PTPN2: variants seen among roughly 807,000 people sequenced by gnomAD.
The protein encoded by PTPN2 is tyrosine-protein phosphatase non-receptor type 2.
In PTPN2, 19 loss-of-function variants were observed where a neutral mutation model predicts 57.3. The observed-to-expected ratio is 0.33, with a 90% CI of 0.23 to 0.49. The LOEUF (loss-of-function observed/expected upper bound fraction) is 0.49, where lower values mean the gene tolerates loss of function less well. PTPN2 is among the 20% of genes least tolerant of loss of function. The probability of loss-of-function intolerance (pLI) is 0.99; values close to 1 mark genes in which losing one functional copy is unlikely to be tolerated. For synonymous variants in PTPN2, 153 were observed against 164.9 expected (o/e 0.93, Z 0.55); for missense variants, 358 against 501.1 (o/e 0.71, Z 2.73).
chr18:12,862,128 C>CT (rs35290873), intron 1 of PTPN2: 131,496 of 151,668 alleles, frequency 0.87, 58,335 homozygotes, highest in Non-Finnish European at 0.96. Flanking sequence ...TGCATATTAG[C>CT]GTTTATTCCA....
intron 1 of PTPN2, among the ~76,000 whole-genome samples, chr18:12,867,547 T>A (rs1253088383): frequency 6.6e-6 from 1 of 152,144 alleles, no homozygotes; most frequent in East Asian, 1.9e-4. Flanking sequence ...TCAAAAAAAA[T>A]ACATTATAGA....
At chr18:12,825,047 C>T (rs1288692926) in intron 5 of PTPN2, among the ~76,000 whole-genome samples, 1 of 152,120 alleles carries the variant, frequency 6.6e-6, no homozygotes, top group Non-Finnish European at 1.5e-5. Context: ...GTGATTATGC[C>T]ACTGTACTCC....
At chr18:12,798,608 A>G (rs1433615702) in intron 8 of PTPN2, among the ~76,000 whole-genome samples, 4 of 152,220 alleles carry the variant, frequency 2.6e-5, no homozygotes, top group Non-Finnish European at 5.9e-5. Flanking sequence ...TTATGGATGC[A>G]TAGTATTCCA....
intron 3 of PTPN2, among the ~76,000 whole-genome samples, chr18:12,832,933 C>T (rs1229530432): frequency 6.6e-6 from 1 of 152,180 alleles, no homozygotes; most frequent in Non-Finnish European, 1.5e-5. Flanking sequence ...GGATTACAGG[C>T]GTGCACCACC....
intron 3 of PTPN2, among the ~76,000 whole-genome samples, chr18:12,832,851 G>A (rs559125193): frequency 7.9e-5 from 12 of 152,152 alleles, no homozygotes; most frequent in Non-Finnish European, 1.8e-4. Flanking sequence ...GCAATGGCAC[G>A]ACCTCGGCTC....
intron 7 of PTPN2, among the ~76,000 whole-genome samples, chr18:12,811,484 G>A (rs1342249589): frequency 6.6e-6 from 1 of 152,112 alleles, no homozygotes; most frequent in Non-Finnish European, 1.5e-5. Context: ...TCGGCAGAGA[G>A]AGAAATAAAA....
chr18:12,804,880 A>G (rs2145261770), intron 7 of PTPN2, among the ~76,000 whole-genome samples: 1 of 152,366 alleles, frequency 6.6e-6, no homozygotes, highest in South Asian at 2.1e-4. Flanking sequence ...TAAGGCCAGC[A>G]TTACCCTGAT....
At chr18:12,803,646 G>C (rs2041510509) in intron 7 of PTPN2, among the ~76,000 whole-genome samples, 1 of 152,068 alleles carries the variant, frequency 6.6e-6, no homozygotes, top group Admixed American at 6.6e-5. Flanking sequence ...AAGAAACAAA[G>C]GTCAAAGGGG....
At chr18:12,816,619 T>C (rs2042084089) in intron 6 of PTPN2, among the ~76,000 whole-genome samples, 1 of 152,122 alleles carries the variant, frequency 6.6e-6, no homozygotes, top group Non-Finnish European at 1.5e-5. Context: ...TGGGAATGAC[T>C]GGTGGAGAAA....
chr18:12,832,882 G>T (rs2145380396), intron 3 of PTPN2, among the ~76,000 whole-genome samples: 1 of 152,318 alleles, frequency 6.6e-6, no homozygotes, highest in Middle Eastern at 3.4e-3. Flanking sequence ...CTGCCTCCTG[G>T]ATTCAAGCAA....
intron 6 of PTPN2, among the ~76,000 whole-genome samples, 193 bp from the exon 7 acceptor site, chr18:12,814,548 C>T (rs1358510758): frequency 6.6e-6 from 1 of 152,206 alleles, no homozygotes; most frequent in Non-Finnish European, 1.5e-5. Flanking sequence ...ACATCTCAAC[C>T]CCTCAAGTAG....
At chr18:12,844,378 C>G (rs1172005508) in intron 2 of PTPN2, among the ~76,000 whole-genome samples, 2 of 152,210 alleles carry the variant, frequency 1.3e-5, no homozygotes, top group African/African-American at 2.4e-5. Flanking sequence ...TCCAGAGTGG[C>G]TATACCAGTT....
intron 7 of PTPN2, among the ~76,000 whole-genome samples, chr18:12,805,388 C>A (rs147215166): frequency 6.6e-6 from 1 of 150,556 alleles, no homozygotes; most frequent in African/African-American, 2.4e-5. Context: ...ACCCAGAAGG[C>A]GGAGGTAGCA....
intron 7 of PTPN2, among the ~76,000 whole-genome samples, chr18:12,805,628 A>G (rs997397374): frequency 2.7e-5 from 4 of 147,458 alleles, no homozygotes; most frequent in South Asian, 4.3e-4. Flanking sequence ...CAAGACAAAG[A>G]TGCCTCCTTT....
intron 1 of PTPN2, chr18:12,872,172 C>A (rs1249126335): frequency 6.6e-6 from 1 of 152,122 alleles, no homozygotes; most frequent in East Asian, 1.9e-4. Flanking sequence ...GATTGATGTA[C>A]CAGGTCCTTT....
At chr18:12,836,928 C>A in intron 2 of PTPN2, 37 bp from the exon 3 acceptor site, 1 of 1,267,054 alleles carries the variant, frequency 7.9e-7, no homozygotes. Flanking sequence ...ACTGTCATTT[C>A]AAAATTACTG....
chr18:12,873,704 C>T lies in PTPN2; in HGVS notation c.69+10369G>A, dbSNP rs553731271. Among the ~76,000 whole-genome samples the T allele has an allele frequency of 6.6e-5, 10 of 152,188 alleles. No individual in the cohort carries two copies. In the South Asian group the frequency reaches 1.2e-3, roughly 19 times the overall value. ...GCCCAGAGTGCAGCCTCTGCCTGGC[C>T]GCCACCCCGTCTAGGAAGTGAGGAG... On this transcript the variant is annotated intron_variant, in intron 1 of 8. Transcript: ENST00000309660.
intron 2 of PTPN2, among the ~76,000 whole-genome samples, chr18:12,849,659 A>C (rs916735581): frequency 1.3e-5 from 2 of 152,250 alleles, no homozygotes; most frequent in African/African-American, 4.8e-5. Context: ...TATCTTTTTA[A>C]TACATTGCTA....
chr18:12,794,619 G>T, intron 8 of PTPN2, 134 bp from the exon 9 acceptor site: 1 of 1,105,356 alleles, frequency 9.0e-7, no homozygotes, highest in Non-Finnish European at 1.3e-6. Flanking sequence ...ATAATGAGGG[G>T]AAAAGCCTCA....
Sources: allele counts gnomAD v4.1 joint callset (sites outside exome capture counted in the v4.1 genomes callset), GRCh38; gene constraint gnomAD v4.1.1; transcripts MANE v1.5; gene names NCBI Gene and HGNC (gene_info 2026-07-23, HGNC 2026-07-21).